Variants in FHIT observed in about 807,000 individuals in gnomAD.
The protein encoded by FHIT is fragile histidine triad diadenosine triphosphatase, also known as bis(5'-adenosyl)-triphosphatase.
In FHIT, 19 loss-of-function variants were observed where a neutral mutation model predicts 17.9. The ratio of observed to expected loss-of-function variants is 1.06; its 90% CI spans 0.74 to 1.56. FHIT has a LOEUF of 1.56. Among genes scored for constraint, FHIT ranks in the 40% most tolerant of loss-of-function variants. The pLI is 0.00. For synonymous variants in FHIT, 81 were observed against 69.7 expected (o/e 1.16, Z -0.81); for missense variants, 248 against 189.2 (o/e 1.31, Z -1.82).
chr3:60,811,891 C>T (rs1431399869), intron 4 of FHIT, among the ~76,000 whole-genome samples: 1 of 152,140 alleles, frequency 6.6e-6, no homozygotes, highest in Non-Finnish European at 1.5e-5. Context: ...GCCAGTGTGG[C>T]ATTCGATACA....
At chr3:61,005,119 T>C (rs2031358898) in intron 3 of FHIT, among the ~76,000 whole-genome samples, 1 of 152,160 alleles carries the variant, frequency 6.6e-6, no homozygotes, top group Admixed American at 6.5e-5. Flanking sequence ...AAGAATGTGA[T>C]AGGAATTATT....
intron 5 of FHIT, among the ~76,000 whole-genome samples, chr3:60,214,688 C>A (rs1703614478): frequency 6.6e-6 from 1 of 152,128 alleles, no homozygotes; most frequent in Non-Finnish European, 1.5e-5. Flanking sequence ...GAAAATAAAT[C>A]TTTCTGCCAA....
At chr3:60,091,291 C>T (rs991132793) in intron 5 of FHIT, among the ~76,000 whole-genome samples, 8 of 152,152 alleles carry the variant, frequency 5.3e-5, no homozygotes, top group Non-Finnish European at 1.2e-4. Flanking sequence ...AAGAAAAATG[C>T]TTTGAAGAAG....
chr3:60,248,760 G>A (rs1705534341), intron 5 of FHIT, among the ~76,000 whole-genome samples: 1 of 152,096 alleles, frequency 6.6e-6, no homozygotes, highest in Admixed American at 6.6e-5. Context: ...ATTATTTTGA[G>A]CTAAAGGCAC....
intron 5 of FHIT, among the ~76,000 whole-genome samples, chr3:60,139,835 G>A (rs1392205171): frequency 7.0e-6 from 1 of 143,814 alleles, no homozygotes; most frequent in Non-Finnish European, 1.5e-5. Flanking sequence ...AAAAAAAATG[G>A]TTAACTATGG....
At chr3:60,408,359 C>G (rs1038504003) in intron 5 of FHIT, among the ~76,000 whole-genome samples, 1 of 152,108 alleles carries the variant, frequency 6.6e-6, no homozygotes, top group African/African-American at 2.4e-5. Context: ...AACTCCTAAT[C>G]CACATATGTC....
At chr3:60,702,421 C>A (rs2041270449) in intron 4 of FHIT, among the ~76,000 whole-genome samples, 1 of 151,918 alleles carries the variant, frequency 6.6e-6, no homozygotes, top group South Asian at 2.1e-4. Context: ...GAGTATGACT[C>A]TTTTGACAGG....
At chr3:61,246,922 T>C (rs1408189015) in intron 1 of FHIT, among the ~76,000 whole-genome samples, 6 of 152,070 alleles carry the variant, frequency 3.9e-5, no homozygotes, top group Admixed American at 3.9e-4. Flanking sequence ...TCTGCAGCCT[T>C]ATTCTCTCCA....
intron 8 of FHIT, among the ~76,000 whole-genome samples, chr3:59,898,996 G>A (rs1704201386): frequency 6.6e-6 from 1 of 152,138 alleles, no homozygotes; most frequent in African/African-American, 2.4e-5. Context: ...AAAACAAACA[G>A]AAAGGTCTTC....
At chr3:60,533,908 T>C (rs968100025) in intron 5 of FHIT, among the ~76,000 whole-genome samples, 3 of 152,062 alleles carry the variant, frequency 2.0e-5, no homozygotes, top group African/African-American at 7.2e-5. Flanking sequence ...ATAGGCTACA[T>C]TGGAAAAGCC....
chr3:60,286,896 T>C (rs769749368), intron 5 of FHIT, among the ~76,000 whole-genome samples: 13 of 152,138 alleles, frequency 8.5e-5, no homozygotes, highest in Non-Finnish European at 1.3e-4. Context: ...ACCCAAGCTC[T>C]TCCCTGCAAA....
chr3:60,235,508 C>T (rs1576348831), intron 5 of FHIT, among the ~76,000 whole-genome samples: 1 of 152,070 alleles, frequency 6.6e-6, no homozygotes, highest in African/African-American at 2.4e-5. Context: ...GGATTACAGG[C>T]GTGAGCCACC....
intron 2 of FHIT, among the ~76,000 whole-genome samples, chr3:61,191,421 A>G (rs1576183107): frequency 1.3e-5 from 2 of 152,262 alleles, no homozygotes; most frequent in East Asian, 3.9e-4. Context: ...CTTGGACTGA[A>G]TTACACCACC....
intron 5 of FHIT, among the ~76,000 whole-genome samples, chr3:60,210,108 A>C (rs987785270): frequency 6.6e-6 from 1 of 152,168 alleles, no homozygotes; most frequent in Admixed American, 6.5e-5. Context: ...ACCAAAAAAA[A>C]GTTTCTTCAC....
Position 61,202,067 on chromosome 3 carries a change from T to TACACACACACACACAC in FHIT, c.-212-1418_-212-1403dup, listed in dbSNP as rs143994045. ...CTACATATATATACACGCACATAGA[T>TACACACACACACACAC]ACACACACACACACACACACACACG... On this transcript the variant is annotated intron_variant, in intron 1 of 9. Coordinates refer to ENST00000492590, the MANE Select transcript of FHIT (RefSeq NM_002012.4). Among the ~76,000 whole-genome samples the TACACACACACACACAC allele has an allele frequency of 3.7e-3, 544 of 148,710 alleles. 4 individuals carry two copies. Among genetic ancestry groups the TACACACACACACACAC allele is most frequent in the African/African-American group, 0.01 (415 of 40,288 alleles).
intron 2 of FHIT, among the ~76,000 whole-genome samples, chr3:61,189,395 G>C (rs59883301): frequency 0.22 from 33,824 of 151,926 alleles, 4,873 homozygotes; most frequent in East Asian, 0.71. Context: ...AGGACCTCTT[G>C]AAGGAGAACT....
chr3:59,849,948 T>A (rs764092782), intron 8 of FHIT, among the ~76,000 whole-genome samples: 3 of 152,224 alleles, frequency 2.0e-5, no homozygotes, highest in African/African-American at 4.8e-5. Flanking sequence ...AAATTATAGA[T>A]ACACAACTAT....
At chr3:60,811,778 C>G (rs571139230) in intron 4 of FHIT, among the ~76,000 whole-genome samples, 10 of 151,876 alleles carry the variant, frequency 6.6e-5, no homozygotes, top group South Asian at 6.2e-4. Context: ...CTTCTAGTTA[C>G]GAGGAAAAAA....
At chr3:59,852,488 C>T (rs897675370) in intron 8 of FHIT, among the ~76,000 whole-genome samples, 1 of 152,152 alleles carries the variant, frequency 6.6e-6, no homozygotes, top group Non-Finnish European at 1.5e-5. Flanking sequence ...CCCCACCAGA[C>T]TGGTACATTT....
Sources: gnomAD v4.1 joint callset for allele counts (sites outside exome capture counted in the v4.1 genomes callset) on GRCh38, gnomAD v4.1.1 for gene constraint, MANE v1.5 for transcripts, NCBI Gene and HGNC (gene_info 2026-07-23, HGNC 2026-07-21) for gene names.